The following ADAMTSL1 variants were observed in gnomAD, a reference collection of about 807,000 sequenced individuals.
ADAMTSL1 encodes the protein ADAMTS like 1, also known as ADAMTS-like protein 1.
Under a neutral mutation model 201.8 loss-of-function variants are expected in ADAMTSL1, and 126 were observed. The observed-to-expected ratio is 0.62, with a 90% CI of 0.54 to 0.72. The LOEUF (loss-of-function observed/expected upper bound fraction) is 0.72, where lower values mean the gene tolerates loss of function less well. ADAMTSL1 is among the 30% of genes least tolerant of loss of function. The probability of loss-of-function intolerance (pLI) is 0.00; values close to 1 mark genes in which losing one functional copy is unlikely to be tolerated. For missense variants in ADAMTSL1, 2,679 were observed against 2,277.8 expected (o/e 1.18, Z -3.59); for synonymous variants, 1,121 against 903.4 (o/e 1.24, Z -4.32).
intron 2 of ADAMTSL1, among the ~76,000 whole-genome samples, chr9:18,377,202 A>G (rs1049961057): frequency 1.3e-5 from 2 of 152,330 alleles, no homozygotes; most frequent in African/African-American, 4.8e-5. Context: ...GTGTAAACTC[A>G]AGGAAGTTAT....
intron 2 of ADAMTSL1, among the ~76,000 whole-genome samples, chr9:18,223,971 G>A (rs1830352725): frequency 6.6e-6 from 1 of 152,080 alleles, no homozygotes; most frequent in African/African-American, 2.4e-5. Context: ...TTTTTAAAAA[G>A]CCACAGATGT....
At chr9:18,010,113 G>A (rs914793176) in intron 1 of ADAMTSL1, among the ~76,000 whole-genome samples, 2 of 151,960 alleles carry the variant, frequency 1.3e-5, no homozygotes, top group African/African-American at 4.8e-5. Flanking sequence ...ACCAATCACT[G>A]TACAGTGACT....
At chr9:18,365,920 G>T (rs1586982069) in intron 2 of ADAMTSL1, among the ~76,000 whole-genome samples, 1 of 152,142 alleles carries the variant, frequency 6.6e-6, no homozygotes, top group East Asian at 1.9e-4. Context: ...GAGCTGGGTT[G>T]TGTGCTCCTT....
At position 18,775,837 on chromosome 9, in the gene ADAMTSL1, T is replaced by A; in HGVS notation, c.2492T>A (p.Leu831Gln). Reference protein sequence around the residue: ...TGLSTVVNSTLCPPLPFSSSI... With the variant: ...TGLSTVVNSTQCPPLPFSSSI... ...CTCTCAACGGTTGTCAATTCCACCC[T>A]GTGCCCGCCCCTGCCTTTCTCTTCC... The change falls in exon 18 of 29, where the codon CTG becomes CAG. Residue 831 changes from leucine to glutamine, a missense_variant. Leu to Gln is a moderately radical substitution (Grantham distance 113, BLOSUM62 -2). Coordinates refer to ENST00000380548, the MANE Select transcript of ADAMTSL1 (RefSeq NM_001040272.6). The A allele has an allele frequency of 6.2e-7, 1 of 1,606,534 alleles. No individual in the cohort carries two copies. Among genetic ancestry groups the A allele is most frequent in the Non-Finnish European group, 8.5e-7 (1 of 1,176,180 alleles).
At chr9:18,161,236 T>C (rs1369434731) in intron 1 of ADAMTSL1, among the ~76,000 whole-genome samples, 1 of 152,082 alleles carries the variant, frequency 6.6e-6, no homozygotes, top group Non-Finnish European at 1.5e-5. Flanking sequence ...TCAGCCTTTA[T>C]ATTTGATGTC....
At position 18,694,561 on chromosome 9, in the gene ADAMTSL1, G is replaced by A. The variant is rs149914400; in HGVS notation, c.1574+9761G>A. ...GTGCAAGTCAGAAACCCAGCAGGGCGGTCATTAAATCTTAAAGCTCCAAAA... is the reference window on the plus strand; with the variant it reads ...GTGCAAGTCAGAAACCCAGCAGGGCAGTCATTAAATCTTAAAGCTCCAAAA... On this transcript the variant is annotated intron_variant, in intron 13 of 28. Coordinates refer to ENST00000380548, the MANE Select transcript of ADAMTSL1 (RefSeq NM_001040272.6). 6.6e-3 allele frequency among the ~76,000 whole-genome samples: 1,003 copies of A among 152,232 alleles called. 7 individuals carry two copies. The highest frequency in any genetic ancestry group is 0.021 in the African/African-American group (890 of 41,542).
chr9:18,908,585 C>A lies in ADAMTSL1; in HGVS notation c.*37C>A, dbSNP rs1455574167. 1 of 1,504,246 alleles carries A rather than the reference C, an allele frequency of 6.6e-7. No homozygotes were observed. Among genetic ancestry groups the A allele is most frequent in the South Asian group, 1.2e-5 (1 of 81,826 alleles). The allele number at this position is 1,504,246 out of a possible 1,614,324, so 93.2% of individuals were successfully genotyped here. A position where few individuals can be genotyped will look rare whatever the true frequency, so the allele number is the denominator to read the frequency against. ...GGGGAAAAACTCTACCCTGGCCACACGAAGGACTCACGCAACCACCTCGGA... is the reference window on the plus strand; with the variant it reads ...GGGGAAAAACTCTACCCTGGCCACAAGAAGGACTCACGCAACCACCTCGGA... On this transcript the variant is annotated 3_prime_UTR_variant, in exon 29 of 29. Coordinates refer to ENST00000380548, the MANE Select transcript of ADAMTSL1 (RefSeq NM_001040272.6).
At position 17,925,041 on chromosome 9, in the gene ADAMTSL1, G is replaced by A. The variant is rs1480055221; in HGVS notation, c.87+18119G>A. Among the ~76,000 whole-genome samples, 96 of 89,524 alleles carry A rather than the reference G, an allele frequency of 1.1e-3. 1 individual carries two copies. The highest frequency in any genetic ancestry group is 2.4e-3 in the Admixed American group (18 of 7,356). 58.7% of individuals were successfully genotyped at this position (89,524 alleles called of 152,430 possible). On this transcript the variant is annotated intron_variant, in intron 1 of 29. Transcript: ENST00000680146. ...CAAACAACCCCATCAAAAAGTGGGC[G>A]AAGGACATGAACAGACACTTCTCAA...
intron 3 of ADAMTSL1, chr9:18,573,421 T>A (rs1405956522): frequency 1.3e-5 from 2 of 155,592 alleles, no homozygotes; most frequent in African/African-American, 4.8e-5. Flanking sequence ...AAGTCCATGC[T>A]CTTTCCATTC....
intron 13 of ADAMTSL1, among the ~76,000 whole-genome samples, chr9:18,688,837 A>G (rs1021442362): frequency 4.0e-5 from 6 of 150,428 alleles, no homozygotes; most frequent in African/African-American, 1.2e-4. Flanking sequence ...GTAGACTTCT[A>G]CAATTACTAA....
upstream of ADAMTSL1, chr9:18,473,828 GAACT>G (rs1204769349): frequency 4.5e-6 from 1 of 222,918 alleles, no homozygotes; most frequent in Non-Finnish European, 8.9e-6. Flanking sequence ...ATCTCACAAA[GAACT>G]AACCAGGTCC....
intron 19 of ADAMTSL1, among the ~76,000 whole-genome samples, chr9:18,790,819 G>C (rs963066585): frequency 6.6e-6 from 1 of 152,134 alleles, no homozygotes; most frequent in African/African-American, 2.4e-5. Context: ...TTTTAGGCTA[G>C]AAAAATAAAA....
chr9:18,368,916 A>G (rs1038385982), intron 2 of ADAMTSL1, among the ~76,000 whole-genome samples: 2 of 152,222 alleles, frequency 1.3e-5, no homozygotes, highest in Non-Finnish European at 2.9e-5. Context: ...GGTAGTTCAC[A>G]GATGGTTCAA....
At chr9:18,407,975 T>C (rs538440782) in intron 2 of ADAMTSL1, among the ~76,000 whole-genome samples, 3 of 152,368 alleles carry the variant, frequency 2.0e-5, no homozygotes, top group African/African-American at 7.2e-5. Flanking sequence ...GTAACATTTT[T>C]TTAAAATTTA....
chr9:17,978,172 G>C (rs568223325), intron 1 of ADAMTSL1, among the ~76,000 whole-genome samples: 1 of 151,896 alleles, frequency 6.6e-6, no homozygotes, highest in African/African-American at 2.4e-5. Context: ...ATTTCTTTAT[G>C]TTTATCCATG....
intron 2 of ADAMTSL1, among the ~76,000 whole-genome samples, chr9:18,398,591 C>A (rs541163638): frequency 1.3e-5 from 2 of 152,250 alleles, no homozygotes; most frequent in East Asian, 3.9e-4. Context: ...CAATTATTTT[C>A]CCTTGAAACC....
At chr9:18,295,674 C>T (rs1219452567) in intron 2 of ADAMTSL1, among the ~76,000 whole-genome samples, 1 of 152,132 alleles carries the variant, frequency 6.6e-6, no homozygotes, top group Non-Finnish European at 1.5e-5. Flanking sequence ...TGTCTTCATT[C>T]CCTTGGAAAA....
chr9:18,160,528 G>A (rs1827337647), intron 1 of ADAMTSL1, among the ~76,000 whole-genome samples: 1 of 151,884 alleles, frequency 6.6e-6, no homozygotes, highest in Non-Finnish European at 1.5e-5. Context: ...CAACTTTAAT[G>A]CATTTTTATT....
intron 1 of ADAMTSL1, among the ~76,000 whole-genome samples, chr9:18,028,135 G>A (rs1410569208): frequency 1.3e-5 from 2 of 151,844 alleles, no homozygotes; most frequent in Non-Finnish European, 2.9e-5. Context: ...AGACAGCAGA[G>A]TGTTAGGCTG....
Sources: gnomAD v4.1 joint callset for allele counts (sites outside exome capture counted in the v4.1 genomes callset) on GRCh38, gnomAD v4.1.1 for gene constraint, MANE v1.5 for transcripts, NCBI Gene and HGNC (gene_info 2026-07-23, HGNC 2026-07-21) for gene names.